The following FHIT variants were observed in gnomAD, a reference collection of about 807,000 sequenced individuals.
FHIT encodes the protein bis(5'-adenosyl)-triphosphatase.
In FHIT, 19 loss-of-function variants were observed where a neutral mutation model predicts 17.9. The ratio of observed to expected loss-of-function variants is 1.06; its 90% CI spans 0.74 to 1.56. The LOEUF is 1.56. Among genes scored for constraint, FHIT ranks in the 40% most tolerant of loss-of-function variants. FHIT has a pLI of 0.00. For missense variants in FHIT, 248 were observed against 189.2 expected, an observed-to-expected ratio of 1.31 and a Z score of -1.82; for synonymous variants, 81 against 69.7, an observed-to-expected ratio of 1.16 and a Z score of -0.81.
At chr3:60,972,494 A>C (rs1248984279) in intron 3 of FHIT, among the ~76,000 whole-genome samples, 1 of 149,828 alleles carries the variant, frequency 6.7e-6, no homozygotes, top group East Asian at 1.9e-4. Context: ...TGCTTTTAAG[A>C]TGCATTTATT....
At chr3:60,307,792 C>T (rs1278957662) in intron 5 of FHIT, among the ~76,000 whole-genome samples, 3 of 152,146 alleles carry the variant, frequency 2.0e-5, no homozygotes, top group Admixed American at 1.3e-4. Context: ...ATCCCTGGAG[C>T]TCAGATGCTG....
intron 8 of FHIT, among the ~76,000 whole-genome samples, chr3:59,851,846 A>T (rs1701951447): frequency 6.6e-6 from 1 of 152,222 alleles, no homozygotes; most frequent in African/African-American, 2.4e-5. Flanking sequence ...GACAACATGA[A>T]AATCAGACAC....
intron 4 of FHIT, among the ~76,000 whole-genome samples, chr3:60,642,718 T>A (rs893289761): frequency 6.6e-6 from 1 of 152,108 alleles, no homozygotes; most frequent in South Asian, 2.1e-4. Flanking sequence ...AGGAGTATCC[T>A]CTTCCCCCCA....
chr3:60,634,501 TA>T (rs1451640221), intron 4 of FHIT, among the ~76,000 whole-genome samples: 1 of 152,162 alleles, frequency 6.6e-6, no homozygotes, highest in Non-Finnish European at 1.5e-5. Flanking sequence ...CTCTCACATA[TA>T]AAAACTTTCA....
In FHIT at chr3:60,716,169, A is replaced by G. The variant is rs187792296; in HGVS notation, c.-18+105750T>C. On this transcript the variant is annotated intron_variant, in intron 4 of 9. Coordinates refer to ENST00000492590, the MANE Select transcript of FHIT (RefSeq NM_002012.4). ...TGAGGCAGGAGAATCACTTGAACCC[A>G]GGAGGCAGAGTTTGCAGTTTAGCTG... Among the ~76,000 whole-genome samples the G allele has an allele frequency of 5.7e-3, 863 of 152,156 alleles. 10 individuals are homozygous for G. The highest frequency in any genetic ancestry group is 0.02 in the African/African-American group (815 of 41,524).
intron 8 of FHIT, among the ~76,000 whole-genome samples, chr3:59,905,176 C>G (rs1220961164): frequency 6.6e-6 from 1 of 152,176 alleles, no homozygotes; most frequent in East Asian, 1.9e-4. Context: ...TGGTGAAGCC[C>G]CAGAAAACCC....
At chr3:61,036,098 C>T (rs970139560) in intron 3 of FHIT, among the ~76,000 whole-genome samples, 5 of 152,200 alleles carry the variant, frequency 3.3e-5, no homozygotes, top group African/African-American at 4.8e-5. Context: ...GCTGTACGAG[C>T]ATGGCACTGG....
intron 4 of FHIT, among the ~76,000 whole-genome samples, chr3:60,759,035 T>C (rs1449791436): frequency 6.6e-6 from 1 of 151,992 alleles, no homozygotes; most frequent in East Asian, 1.9e-4. Flanking sequence ...TGACGAGGTG[T>C]GGGTGGCACT....
At chr3:60,365,234 A>G (rs1367620523) in intron 5 of FHIT, among the ~76,000 whole-genome samples, 1 of 151,298 alleles carries the variant, frequency 6.6e-6, no homozygotes, top group Non-Finnish European at 1.5e-5. Context: ...AATTCAACAT[A>G]AATTTATTAT....
intron 5 of FHIT, among the ~76,000 whole-genome samples, chr3:60,024,095 G>A (rs1377113959): frequency 2.6e-5 from 4 of 152,074 alleles, no homozygotes; most frequent in Non-Finnish European, 4.4e-5. Flanking sequence ...ATCAAAAGTA[G>A]TGCATGTGTT....
chr3:60,051,941 G>A (rs189806980), intron 5 of FHIT, among the ~76,000 whole-genome samples: 2 of 152,148 alleles, frequency 1.3e-5, no homozygotes, highest in Non-Finnish European at 2.9e-5. Flanking sequence ...TTGGAACAGG[G>A]CAAGAATATC....
At chr3:60,909,369 GAA>G (rs11382712) in intron 3 of FHIT, among the ~76,000 whole-genome samples, 2 of 120,320 alleles carry the variant, frequency 1.7e-5, no homozygotes, top group South Asian at 2.8e-4. Context: ...ACTCTGTCTC[GAA>G]AAAAAAAAAA....
intron 3 of FHIT, among the ~76,000 whole-genome samples, chr3:60,848,942 A>C (rs1258573280): frequency 2.0e-5 from 3 of 152,172 alleles, no homozygotes; most frequent in Non-Finnish European, 2.9e-5. Flanking sequence ...AACTAGGGAC[A>C]AACATAGATT....
At chr3:60,469,935 T>A (rs867033143) in intron 5 of FHIT, among the ~76,000 whole-genome samples, 2 of 152,024 alleles carry the variant, frequency 1.3e-5, no homozygotes, top group Admixed American at 1.3e-4. Context: ...TGGTCTTGGG[T>A]AACTTCCAGA....
At chr3:60,058,287 T>C (rs211999) in intron 5 of FHIT, among the ~76,000 whole-genome samples, 108,709 of 151,444 alleles carry the variant, frequency 0.72, 40,092 homozygotes, top group Middle Eastern at 0.82. Flanking sequence ...TGGGATTACA[T>C]GCCCAGCTAA....
intron 8 of FHIT, among the ~76,000 whole-genome samples, chr3:59,805,350 G>T (rs775011752): frequency 7.2e-5 from 11 of 152,246 alleles, no homozygotes; most frequent in Middle Eastern, 3.4e-3. Context: ...CCAAAATATG[G>T]CACCTTGGCA....
chr3:61,191,719 A>G (rs1271935211), intron 2 of FHIT, among the ~76,000 whole-genome samples: 1 of 152,110 alleles, frequency 6.6e-6, no homozygotes, highest in Non-Finnish European at 1.5e-5. Flanking sequence ...TTTAGCTCCA[A>G]GGGCAGCTGG....
intron 3 of FHIT, among the ~76,000 whole-genome samples, chr3:60,826,039 C>T (rs546638689): frequency 3.3e-5 from 5 of 152,018 alleles, no homozygotes; most frequent in East Asian, 1.9e-4. Context: ...AACGGATACT[C>T]GTTTTGGGAT....
intron 4 of FHIT, among the ~76,000 whole-genome samples, chr3:60,712,463 T>A (rs1157092519): frequency 6.6e-6 from 1 of 151,306 alleles, no homozygotes; most frequent in African/African-American, 2.4e-5. Context: ...AATTATCCAA[T>A]TAAAAGACAC....
Sources: allele counts gnomAD v4.1 joint callset (sites outside exome capture counted in the v4.1 genomes callset), GRCh38; gene constraint gnomAD v4.1.1; transcripts MANE v1.5; gene names NCBI Gene and HGNC (gene_info 2026-07-23, HGNC 2026-07-21).